The following ITPA variants were observed in gnomAD, a reference collection of about 807,000 sequenced individuals.
The protein encoded by ITPA is inosine triphosphate pyrophosphatase.
Under a neutral mutation model 29.6 loss-of-function variants are expected in ITPA, and 29 were observed. The observed-to-expected ratio is 0.98, with a 90% CI of 0.73 to 1.34. The LOEUF is 1.34. Ranked by LOEUF, ITPA falls within the 40% of genes most tolerant of loss-of-function variation. The pLI, the probability that ITPA is intolerant of heterozygous loss-of-function variation, is 0.00. For missense variants in ITPA, 241 were observed against 251.5 expected (o/e 0.96, Z 0.28); for synonymous variants, 103 against 99.3 (o/e 1.04, Z -0.22).
chr20:3,213,196 C>A lies in ITPA; in HGVS notation c.94C>A (p.Pro32Thr), dbSNP rs1127354. 0.075 allele frequency: 121,123 copies of A among 1,613,804 alleles called. 5,117 individuals carry two copies. The highest frequency in any genetic ancestry group is 0.16 in the East Asian group (6,970 of 44,876). Residue 32 changes from proline to threonine, a missense_variant, in exon 2 of 8, where the codon CCA (proline) becomes ACA (threonine). Pro to Thr is a conservative substitution (Grantham distance 38). Coordinates refer to ENST00000380113, the MANE Select transcript of ITPA (RefSeq NM_033453.4). ...EVVQILGDKFPCTLVAQKIDL... is the reference protein window; with the variant it reads ...EVVQILGDKFTCTLVAQKIDL... ...CGTTCAGATTCTAGGAGATAAGTTTCCATGCACTTTGGTGGCACAGAAAAT... is the reference window on the plus strand; with the variant it reads ...CGTTCAGATTCTAGGAGATAAGTTTACATGCACTTTGGTGGCACAGAAAAT...
chr20:3,217,975 T>G (rs1217047203), intron 5 of ITPA, among the ~76,000 whole-genome samples: 2 of 151,556 alleles, frequency 1.3e-5, no homozygotes, highest in African/African-American at 4.9e-5. Context: ...TGGAGTGCAG[T>G]GGCCCGATCT....
intron 5 of ITPA, among the ~76,000 whole-genome samples, chr20:3,217,768 C>T (rs2067340989): frequency 6.6e-6 from 1 of 152,156 alleles, no homozygotes; most frequent in Admixed American, 6.5e-5. Context: ...CGAGTGCAGC[C>T]ACTGTATTTC....
chr20:3,218,139 C>T (rs1295473352), intron 5 of ITPA, among the ~76,000 whole-genome samples: 1 of 151,224 alleles, frequency 6.6e-6, no homozygotes, highest in Admixed American at 6.6e-5. Context: ...AGGATGGTCT[C>T]GATCTCCTGA....
intron 7 of ITPA, among the ~76,000 whole-genome samples, chr20:3,222,820 G>C (rs77439610): frequency 6.6e-6 from 1 of 152,302 alleles, no homozygotes; most frequent in Non-Finnish European, 1.5e-5. Context: ...ACCCAGAAAC[G>C]GAATATTTCT....
In ITPA at chr20:3,221,826, C is replaced by A. The variant is rs758792376; in HGVS notation, c.412-15C>A. ...TGGACCCAGTTACACACCTGTCCCC[C>A]CTTTCCTGTGGCAGGGCCGGATCGT... On this transcript the variant is annotated splice_polypyrimidine_tract_variant and intron_variant, in intron 6 of 7. Transcript: ENST00000380113. 6.2e-7 allele frequency: 1 copy of A among 1,613,912 alleles called. No homozygotes were observed. Among genetic ancestry groups the A allele is most frequent in the Non-Finnish European group, 8.5e-7 (1 of 1,179,784 alleles).
chr20:3,210,376 G>A (rs79708949), intron 1 of ITPA, among the ~76,000 whole-genome samples: 1,911 of 152,282 alleles, frequency 0.013, 41 homozygotes, highest in African/African-American at 0.043. Context: ...CCTGCTGGGG[G>A]ATGGAACAAT....
Position 3,214,032 on chromosome 20 carries a change from C to T in ITPA, c.237C>T (p.Ala79=). The T allele has an allele frequency of 6.2e-7, 1 of 1,614,174 alleles. No homozygotes were observed. Among genetic ancestry groups the T allele is most frequent in the South Asian group, 1.1e-5 (1 of 91,084 alleles). ...LVEDTCLCFN[A]LGGLPGPYIK... is the part of the protein sequence containing the mutation. ...AGGACACTTGTCTGTGCTTCAATGC[C>T]CTTGGAGGGCTCCCCGGCCCCTACA... The change falls in exon 4 of 8, where the codon GCC becomes GCT. Residue 79 remains alanine (A), a synonymous_variant. Transcript: ENST00000380113.
upstream of ITPA, chr20:3,208,954 G>A (rs998268200): frequency 5.0e-5 from 8 of 159,010 alleles, no homozygotes; most frequent in African/African-American, 1.9e-4. Flanking sequence ...CGGAGAAGGG[G>A]TGATAGATTT....
intron 3 of ITPA, 127 bp downstream of exon 3, chr20:3,213,510 A>G: frequency 8.8e-7 from 1 of 1,131,122 alleles, no homozygotes; most frequent in South Asian, 1.3e-5. Context: ...AGAGTCCTCT[A>G]GGGTTCAGTT....
upstream of ITPA, chr20:3,209,384 C>T: frequency 1.4e-6 from 1 of 716,942 alleles, no homozygotes; most frequent in Non-Finnish European, 2.5e-6. The surrounding 1 kb of genome is among the most constrained non-coding windows in gnomAD (Gnocchi z 4.6). Context: ...GTGGGCTAGG[C>T]CGCCACCGCG....
chr20:3,204,116 G>A (rs2067054683), upstream of ITPA, among the ~76,000 whole-genome samples: 1 of 152,166 alleles, frequency 6.6e-6, no homozygotes, highest in Non-Finnish European at 1.5e-5. Context: ...CAGCTCGTGG[G>A]GGACAGGCAG....
chr20:3,209,660 A>G lies in ITPA; in HGVS notation c.66+43A>G. On this transcript the variant is annotated intron_variant, in intron 1 of 7. Coordinates refer to ENST00000380113, the MANE Select transcript of ITPA (RefSeq NM_033453.4). The surrounding 1 kb of genome is among the most constrained non-coding windows in gnomAD (Gnocchi z 4.6). Reference sequence around the variant, plus strand: ...GGGGCTAACTGGGAGGCGGCTGGGAATAGGGCGGAGAAGGGGCTTCCGGGA... The same window carrying G: ...GGGGCTAACTGGGAGGCGGCTGGGAGTAGGGCGGAGAAGGGGCTTCCGGGA... The G allele has an allele frequency of 8.9e-6, 14 of 1,564,940 alleles. No homozygotes were observed. The highest frequency in any genetic ancestry group is 3.4e-4 in the Middle Eastern group (2 of 5,952).
chr20:3,209,403 C>T (rs1400983566), upstream of ITPA: 1 of 775,712 alleles, frequency 1.3e-6, no homozygotes, highest in African/African-American at 1.7e-5. This position sits in a 1 kb window ranked among gnomAD's most constrained non-coding sequence, Gnocchi z 4.6. Context: ...CGAGCCCACT[C>T]GCCCGATACG....
chr20:3,209,304 GCGTC>G, upstream of ITPA: 1 of 574,424 alleles, frequency 1.7e-6, no homozygotes, highest in Non-Finnish European at 3.1e-6. This position sits in a 1 kb window ranked among gnomAD's most constrained non-coding sequence, Gnocchi z 4.6. Context: ...CTTGAAGATA[GCGTC>G]CCTTAGGCAG....
At chr20:3,204,491 C>T (rs1272499894), upstream of ITPA, 2 of 1,528,512 alleles carry the variant, frequency 1.3e-6, no homozygotes, top group Admixed American at 2.0e-5. Context: ...GCTCAGAAGG[C>T]CAGAAAACCC....
intron 1 of ITPA, among the ~76,000 whole-genome samples, chr20:3,212,601 G>A (rs959608940): frequency 1.1e-4 from 16 of 152,150 alleles, no homozygotes; most frequent in Non-Finnish European, 1.5e-4. Context: ...GATTACAGGC[G>A]TGAGCCACAG....
At chr20:3,204,977 A>C (rs1056268780), upstream of ITPA, among the ~76,000 whole-genome samples, 2 of 151,716 alleles carry the variant, frequency 1.3e-5, no homozygotes, top group Non-Finnish European at 2.9e-5. Flanking sequence ...CAGACTCCCG[A>C]GTAGCTGGGA....
At chr20:3,211,166 C>CTTT (rs369449246) in intron 1 of ITPA, among the ~76,000 whole-genome samples, 14 of 140,280 alleles carry the variant, frequency 1.0e-4, no homozygotes, top group Admixed American at 2.9e-4. Context: ...AACAGGTAGT[C>CTTT]TTTTTTTTTT....
chr20:3,204,915 A>G (rs2067060367), upstream of ITPA, among the ~76,000 whole-genome samples: 1 of 151,284 alleles, frequency 6.6e-6, no homozygotes, highest in South Asian at 2.1e-4. Flanking sequence ...CGGTGGTGCG[A>G]TCTCGGCTCA....
Sources: gnomAD v4.1 joint callset for allele counts (sites outside exome capture counted in the v4.1 genomes callset) on GRCh38, gnomAD v4.1.1 for gene constraint, Gnocchi (gnomAD v3.1) non-coding constraint, MANE v1.5 for transcripts, NCBI Gene and HGNC (gene_info 2026-07-23, HGNC 2026-07-21) for gene names.